NQO1: variants seen among roughly 807,000 people sequenced by gnomAD.
NQO1 encodes NAD(P)H dehydrogenase [quinone] 1.
NQO1 carries 30 observed loss-of-function variants against 32.1 expected under a neutral mutation model. The observed-to-expected ratio is 0.94, with a 90% CI of 0.70 to 1.27. The LOEUF (loss-of-function observed/expected upper bound fraction) is 1.27, where lower values mean the gene tolerates loss of function less well. Ranked by LOEUF, NQO1 falls within the 50% of genes most tolerant of loss-of-function variation. The probability of loss-of-function intolerance (pLI) is 0.00; values close to 1 mark genes in which losing one functional copy is unlikely to be tolerated. For missense variants in NQO1, 276 were observed against 331.3 expected, an observed-to-expected ratio of 0.83 and a Z score of 1.30; for synonymous variants, 109 against 119.7, an observed-to-expected ratio of 0.91 and a Z score of 0.59.
intron 1 of NQO1, among the ~76,000 whole-genome samples, chr16:69,725,268 C>T (rs1011738958): frequency 1.3e-5 from 2 of 152,168 alleles, no homozygotes; most frequent in African/African-American, 4.8e-5. Flanking sequence ...TGTGTACAGG[C>T]GCATTTTTAG....
chr16:69,716,672 G>A (rs1182252737), intron 3 of NQO1, among the ~76,000 whole-genome samples: 1 of 151,860 alleles, frequency 6.6e-6, no homozygotes, highest in Non-Finnish European at 1.5e-5. Flanking sequence ...ATGATTTAAA[G>A]ATATGAAAGG....
intron 1 of NQO1, among the ~76,000 whole-genome samples, chr16:69,724,558 T>G (rs990379984): frequency 1.3e-5 from 2 of 151,676 alleles, no homozygotes; most frequent in African/African-American, 4.8e-5. Flanking sequence ...AAAAATTAGC[T>G]GGGTGTGGTG....
At position 69,718,060 on chromosome 16, in the gene NQO1, G is replaced by A. The variant is rs370977215; in HGVS notation, c.303+63C>T. On this transcript the variant is annotated intron_variant, in intron 3 of 5. Transcript: ENST00000320623. Reference sequence around the variant, plus strand: ...TGTTTAAGATCTCATAGCTAATTAGGTACATGTCTAGGACAATAAGCACGC... The same window carrying A: ...TGTTTAAGATCTCATAGCTAATTAGATACATGTCTAGGACAATAAGCACGC... The A allele has an allele frequency of 4.8e-5, 77 of 1,594,748 alleles. 2 individuals are homozygous for A. The East Asian group carries it at 5.6e-4, about 12-fold the overall frequency.
At chr16:69,723,318 G>T (rs1434730108) in intron 1 of NQO1, among the ~76,000 whole-genome samples, 2 of 152,244 alleles carry the variant, frequency 1.3e-5, no homozygotes, top group South Asian at 4.2e-4. Flanking sequence ...AGCAAATCAG[G>T]ATATCCATCT....
chr16:69,715,270 C>G (rs1365590985), intron 3 of NQO1, among the ~76,000 whole-genome samples, 193 bp from the exon 4 acceptor site: 5 of 152,248 alleles, frequency 3.3e-5, no homozygotes, highest in Non-Finnish European at 5.9e-5. Context: ...ACTTGACAGT[C>G]TTCTTTTTCC....
intron 3 of NQO1, among the ~76,000 whole-genome samples, chr16:69,716,737 C>T (rs1467931165): frequency 6.6e-6 from 1 of 150,744 alleles, no homozygotes; most frequent in African/African-American, 2.4e-5. Context: ...ATCACTTGAG[C>T]CCAAGAGTTT....
intron 3 of NQO1, among the ~76,000 whole-genome samples, chr16:69,716,895 G>A (rs2038120246): frequency 6.6e-6 from 1 of 152,174 alleles, no homozygotes; most frequent in African/African-American, 2.4e-5. Flanking sequence ...AGGCAGCAGT[G>A]AGCAGAGATC....
In NQO1 at chr16:69,722,777, A is replaced by T. The variant is rs531035784; in HGVS notation, c.7+3656T>A. On this transcript the variant is annotated intron_variant, in intron 1 of 5. Coordinates refer to ENST00000320623, the MANE Select transcript of NQO1 (RefSeq NM_000903.3). ...TTGGAAAAAGGAAAAGGAAGCTCTG[A>T]GGCTGCCTCAACAAATTCCTACCTC... Among the ~76,000 whole-genome samples, 26 of 152,334 alleles carry T rather than the reference A, an allele frequency of 1.7e-4. 1 individual carries two copies. In the South Asian group the frequency reaches 5.0e-3, roughly 29 times the overall value.
chr16:69,723,457 C>G (rs985914276), intron 1 of NQO1, among the ~76,000 whole-genome samples: 3 of 151,892 alleles, frequency 2.0e-5, no homozygotes, highest in African/African-American at 7.3e-5. Flanking sequence ...AAGTGCAGTA[C>G]CTGGAATAGG....
rs1284753881 is a variant in NQO1 at position 69,711,137 on chromosome 16, A to G, written c.664T>C (p.Tyr222His). 5.0e-6 allele frequency: 8 copies of G among 1,614,202 alleles called. No individual in the cohort carries two copies. The highest frequency in any genetic ancestry group is 5.1e-6 in the Non-Finnish European group (6 of 1,180,034). ...TCAAAGAGGCTGCTTGGAGCAAAATACAGTGGTGTCTCATCCCAAATATTC... is the reference window on the plus strand; with the variant it reads ...TCAAAGAGGCTGCTTGGAGCAAAATGCAGTGGTGTCTCATCCCAAATATTC... ...LENIWDETPL[Y>H]FAPSSLFDLN... Residue 222 changes from tyrosine to histidine, a missense_variant, in exon 6 of 6, where the codon TAT (tyrosine) becomes CAT (histidine). Tyr to His is a moderately conservative substitution (Grantham distance 83). Transcript: ENST00000320623.
chr16:69,714,855 G>A lies in NQO1; in HGVS notation c.417+109C>T, dbSNP rs562143044. The A allele has an allele frequency of 2.7e-4, 205 of 760,908 alleles. 3 individuals are homozygous for A. In the African/African-American group the frequency reaches 3.2e-3, roughly 12 times the overall value. 47.1% of individuals were successfully genotyped at this position (760,908 alleles called of 1,614,324 possible). A position where few individuals can be genotyped will look rare whatever the true frequency, so the allele number is the denominator to read the frequency against. On this transcript the variant is annotated intron_variant, in intron 4 of 5. Transcript: ENST00000320623. ...GATCCCGCCACTGCACTCCAGCCTG[G>A]GCAACAAGAGGGAAGCTCCATCTCA...
At chr16:69,712,052 C>T (rs2038048664) in intron 5 of NQO1, among the ~76,000 whole-genome samples, 1 of 152,136 alleles carries the variant, frequency 6.6e-6, no homozygotes, top group Admixed American at 6.5e-5. Context: ...CCACCCCAGG[C>T]TTCAGTTTTA....
At chr16:69,717,162 C>A (rs7186002) in intron 3 of NQO1, among the ~76,000 whole-genome samples, 5 of 151,422 alleles carry the variant, frequency 3.3e-5, no homozygotes, top group South Asian at 2.1e-4. Flanking sequence ...CATATACATT[C>A]TATGTTCAAT....
rs571048894 is a variant in NQO1 at position 69,713,226 on chromosome 16, T to A, written c.418-97A>T. The A allele has an allele frequency of 7.1e-5, 64 of 903,312 alleles. 1 individual carries two copies. In the South Asian group the frequency reaches 9.0e-4, roughly 13 times the overall value. 56.0% of individuals were successfully genotyped at this position (903,312 alleles called of 1,614,324 possible). The stretch of plus-strand genomic sequence containing the variant: ...AGCTCCAGGGAAAAGAACACACAAG[T>A]CTGTCCTATTTGCTGTTTATATTAC... On this transcript the variant is annotated intron_variant, in intron 4 of 5. Coordinates refer to ENST00000320623, the MANE Select transcript of NQO1 (RefSeq NM_000903.3).
At chr16:69,716,761 G>C (rs1597599495) in intron 3 of NQO1, among the ~76,000 whole-genome samples, 1 of 152,176 alleles carries the variant, frequency 6.6e-6, no homozygotes, top group South Asian at 2.1e-4. Flanking sequence ...ACCAGCCTGG[G>C]CAACATGGTG....
At chr16:69,716,683 C>T (rs1365505941) in intron 3 of NQO1, among the ~76,000 whole-genome samples, 1 of 151,976 alleles carries the variant, frequency 6.6e-6, no homozygotes, top group East Asian at 1.9e-4. Context: ...ATATGAAAGG[C>T]ACATGCCTAT....
Position 69,709,961 on chromosome 16 carries a change from G to A in NQO1, c.*1015C>T. The A allele has an allele frequency of 2.5e-6, 1 of 395,340 alleles. No individual in the cohort carries two copies. Among genetic ancestry groups the A allele is most frequent in the Non-Finnish European group, 4.5e-6 (1 of 224,484 alleles). 24.5% of individuals were successfully genotyped at this position (395,340 alleles called of 1,614,324 possible). On this transcript the variant is annotated 3_prime_UTR_variant, in exon 6 of 6. Coordinates refer to ENST00000320623, the MANE Select transcript of NQO1 (RefSeq NM_000903.3). ...GGAAGACTATTTTTAAGTATTGAAG[G>A]TACTATTTCCTTTCTTGAATTCATA...
chr16:69,718,009 G>T (rs1354897353), intron 3 of NQO1, 114 bp downstream of exon 3: 2 of 1,366,830 alleles, frequency 1.5e-6, no homozygotes, highest in Non-Finnish European at 2.0e-6. Context: ...ACCCTTATTT[G>T]CAGAGAATGC....
At chr16:69,713,944 C>G (rs1472682305) in intron 4 of NQO1, among the ~76,000 whole-genome samples, 1 of 134,716 alleles carries the variant, frequency 7.4e-6, no homozygotes. Flanking sequence ...GGTGCGATCT[C>G]GGCTCACTGC....
Sources: gnomAD v4.1 joint callset for allele counts (sites outside exome capture counted in the v4.1 genomes callset) on GRCh38, gnomAD v4.1.1 for gene constraint, MANE v1.5 for transcripts, NCBI Gene and HGNC (gene_info 2026-07-23, HGNC 2026-07-21) for gene names.